The following CPNE4 variants were observed in gnomAD, a reference collection of about 807,000 sequenced individuals.
CPNE4 encodes the protein copine 4, also known as copine-4.
In CPNE4, 25 loss-of-function variants were observed where a neutral mutation model predicts 67.9. That is an observed-to-expected ratio of 0.37 (90% CI 0.27 to 0.51). The LOEUF (loss-of-function observed/expected upper bound fraction) is 0.51. Among genes scored for constraint, CPNE4 ranks in the 20% least tolerant of loss-of-function variants. The pLI, the probability that CPNE4 is intolerant of heterozygous loss-of-function variation, is 0.93. For missense variants in CPNE4, 464 were observed against 690.8 expected, an observed-to-expected ratio of 0.67 and a Z score of 3.68; for synonymous variants, 242 against 244.9, an observed-to-expected ratio of 0.99 and a Z score of 0.11.
chr3:131,801,355 C>CCAT (rs1553774062), intron 2 of CPNE4, among the ~76,000 whole-genome samples: 19 of 89,748 alleles, frequency 2.1e-4, no homozygotes, highest in East Asian at 4.7e-4. Flanking sequence ...ATATATGTAC[C>CCAT]ATATATATAT....
At chr3:131,655,127 A>G (rs2079918457) in intron 7 of CPNE4, among the ~76,000 whole-genome samples, 1 of 152,344 alleles carries the variant, frequency 6.6e-6, no homozygotes, top group African/African-American at 2.4e-5. Context: ...TGTATTGTTG[A>G]AACTGTCTCT....
At chr3:131,955,057 A>G (rs1182997686) in intron 1 of CPNE4, among the ~76,000 whole-genome samples, 1 of 149,436 alleles carries the variant, frequency 6.7e-6, no homozygotes, top group African/African-American at 2.4e-5. Flanking sequence ...CGCATGTTCC[A>G]TCTTCCCTGT....
intron 1 of CPNE4, among the ~76,000 whole-genome samples, chr3:131,922,795 A>C (rs369648993): frequency 2.6e-5 from 4 of 152,290 alleles, no homozygotes; most frequent in East Asian, 1.9e-4. Flanking sequence ...GACATAAAAG[A>C]AGCAAGCATA....
intron 1 of CPNE4, among the ~76,000 whole-genome samples, chr3:131,943,326 ACT>A (rs2071455260): frequency 6.6e-6 from 1 of 152,116 alleles, no homozygotes; most frequent in African/African-American, 2.4e-5. Flanking sequence ...GTTTGGAGAA[ACT>A]TTTTGGTTTC....
intron 1 of CPNE4, among the ~76,000 whole-genome samples, chr3:131,937,739 A>G (rs1456638608): frequency 3.3e-5 from 5 of 152,162 alleles, no homozygotes; most frequent in Non-Finnish European, 7.3e-5. Flanking sequence ...ATGGAGTAAG[A>G]TTGCTAATTT....
intron 2 of CPNE4, among the ~76,000 whole-genome samples, chr3:131,759,653 A>C (rs1252938719): frequency 6.6e-6 from 1 of 152,118 alleles, no homozygotes. Flanking sequence ...ACTGCAATCA[A>C]GTACTGATGT....
chr3:131,749,843 C>T (rs568089165), intron 2 of CPNE4, among the ~76,000 whole-genome samples: 3 of 152,170 alleles, frequency 2.0e-5, no homozygotes, highest in Non-Finnish European at 4.4e-5. Flanking sequence ...AATCTTAATC[C>T]ATTTTCTTTG....
intron 2 of CPNE4, among the ~76,000 whole-genome samples, chr3:131,887,249 T>C (rs2087931533): frequency 6.6e-6 from 1 of 152,210 alleles, no homozygotes; most frequent in African/African-American, 2.4e-5. Context: ...TGCGTCTTCG[T>C]CATTCTCTCT....
chr3:131,538,994 A>ACTT (rs1384800200), intron 15 of CPNE4: 1 of 152,178 alleles, frequency 6.6e-6, no homozygotes, highest in African/African-American at 2.4e-5. Flanking sequence ...CCATAACATA[A>ACTT]CTTGTGCCCT....
At chr3:132,002,674 T>A (rs2073486048) in intron 1 of CPNE4, among the ~76,000 whole-genome samples, 1 of 152,106 alleles carries the variant, frequency 6.6e-6, no homozygotes, top group Admixed American at 6.6e-5. Context: ...GTTGATGGTG[T>A]CCATTTGGAC....
chr3:131,830,041 A>G (rs2085307823), intron 2 of CPNE4, among the ~76,000 whole-genome samples: 2 of 152,158 alleles, frequency 1.3e-5, no homozygotes, highest in African/African-American at 4.8e-5. Context: ...CACACTTTAC[A>G]TATTTTTCTT....
intron 2 of CPNE4, among the ~76,000 whole-genome samples, chr3:131,817,461 G>C (rs527622220): frequency 8.5e-5 from 13 of 152,300 alleles, no homozygotes; most frequent in Non-Finnish European, 1.6e-4. Flanking sequence ...GTGAATAGTA[G>C]GACAGGAGGT....
chr3:131,557,888 C>T (rs1323557153), intron 11 of CPNE4, among the ~76,000 whole-genome samples: 1 of 151,914 alleles, frequency 6.6e-6, no homozygotes, highest in African/African-American at 2.4e-5. Context: ...GGATCCTGGT[C>T]CTTCACACTC....
At chr3:131,916,869 G>GT (rs900106994) in intron 1 of CPNE4, among the ~76,000 whole-genome samples, 11 of 152,122 alleles carry the variant, frequency 7.2e-5, no homozygotes, top group African/African-American at 1.7e-4. Context: ...TGTTTTCTTT[G>GT]TTTTTTCTAA....
chr3:131,549,809 G>T, intron 14 of CPNE4, 138 bp downstream of exon 14: 1 of 924,892 alleles, frequency 1.1e-6, no homozygotes, highest in Non-Finnish European at 1.7e-6. Flanking sequence ...CTGAGGATAG[G>T]AGGAGGTTAA....
chr3:131,694,043 G>T (rs2081093086), intron 5 of CPNE4, among the ~76,000 whole-genome samples: 1 of 152,030 alleles, frequency 6.6e-6, no homozygotes, highest in East Asian at 1.9e-4. Flanking sequence ...GACTCCTGGG[G>T]GCTACCAGAG....
chr3:131,713,999 C>T (rs138356366), intron 3 of CPNE4, among the ~76,000 whole-genome samples: 32 of 152,162 alleles, frequency 2.1e-4, no homozygotes, highest in African/African-American at 7.5e-4. Flanking sequence ...GTGGCTTCTG[C>T]TTGCAGTAAT....
chr3:131,892,892 G>C (rs2088172254), intron 2 of CPNE4, among the ~76,000 whole-genome samples: 1 of 151,652 alleles, frequency 6.6e-6, no homozygotes, highest in African/African-American at 2.4e-5. Context: ...CAAACCAGAT[G>C]AAACAATGAC....
At chr3:131,718,088 G>A (rs1055000191) in intron 3 of CPNE4, among the ~76,000 whole-genome samples, 10 of 151,650 alleles carry the variant, frequency 6.6e-5, no homozygotes, top group South Asian at 2.1e-4. Flanking sequence ...TCTGCCTCCC[G>A]GGTTCAAGCA....
Sources: allele counts gnomAD v4.1 joint callset (sites outside exome capture counted in the v4.1 genomes callset), GRCh38; gene constraint gnomAD v4.1.1; transcripts MANE v1.5; gene names NCBI Gene and HGNC (gene_info 2026-07-23, HGNC 2026-07-21).